The following ORC3 variants were observed in gnomAD, a reference collection of about 807,000 sequenced individuals.
The protein encoded by ORC3 is origin recognition complex subunit 3.
ORC3 carries 78 observed loss-of-function variants against 100.7 expected under a neutral mutation model. The observed-to-expected ratio is 0.77, with a 90% CI of 0.65 to 0.94. The LOEUF (loss-of-function observed/expected upper bound fraction) is 0.94, where lower values mean the gene tolerates loss of function less well. Among genes scored for constraint, ORC3 ranks in the 40% least tolerant of loss-of-function variants. The pLI is 0.00. For synonymous variants in ORC3, 295 were observed against 289.3 expected (o/e 1.02, Z -0.20); for missense variants, 789 against 823.9 (o/e 0.96, Z 0.52).
intron 11 of ORC3, among the ~76,000 whole-genome samples, chr6:87,623,739 C>A (rs1779692445): frequency 6.6e-6 from 1 of 152,058 alleles, no homozygotes; most frequent in South Asian, 2.1e-4. Flanking sequence ...CAAAAATTAG[C>A]TGGGCGTGGT....
intron 13 of ORC3, among the ~76,000 whole-genome samples, chr6:87,636,876 T>C (rs1056105553): frequency 3.3e-5 from 5 of 152,216 alleles, no homozygotes; most frequent in African/African-American, 1.2e-4. Context: ...AAGAGCATCA[T>C]TGGGTGATAT....
intron 1 of ORC3, among the ~76,000 whole-genome samples, chr6:87,593,627 A>T (rs1187607579): frequency 1.3e-5 from 2 of 152,262 alleles, no homozygotes; most frequent in Non-Finnish European, 2.9e-5. Flanking sequence ...AAGGTTATAG[A>T]TACTTCGAGT....
chr6:87,657,624 G>T (rs547551576), intron 15 of ORC3, among the ~76,000 whole-genome samples: 1 of 152,292 alleles, frequency 6.6e-6, no homozygotes, highest in Admixed American at 6.5e-5. Context: ...TTTCTTAAAT[G>T]ACTTAATGGA....
chr6:87,660,718 C>T (rs28381532), intron 16 of ORC3, among the ~76,000 whole-genome samples: 9 of 152,212 alleles, frequency 5.9e-5, no homozygotes, highest in Non-Finnish European at 1.2e-4. Flanking sequence ...ACTAATTCCT[C>T]CAGTTCCTTC....
At position 87,644,131 on chromosome 6, in the gene ORC3, C is replaced by G. The variant is rs1461774278; in HGVS notation, c.1382+7645C>G. On this transcript the variant is annotated intron_variant, in intron 13 of 19. Coordinates refer to ENST00000392844, the MANE Select transcript of ORC3 (RefSeq NM_012381.4). ...TTTTTGAGACGGAGTCTCGCTCTGT[C>G]GCCCAGGCTGGAGTGCAGTGGCGGG... Among the ~76,000 whole-genome samples the G allele has an allele frequency of 1.5e-4, 15 of 99,386 alleles. No homozygotes were observed. In the Admixed American group the frequency reaches 2.0e-3, roughly 13 times the overall value. 65.2% of individuals were successfully genotyped at this position (99,386 alleles called of 152,430 possible). A position where few individuals can be genotyped will look rare whatever the true frequency, so the allele number is the denominator to read the frequency against.
chr6:87,630,593 GATAA>G (rs1767332107), intron 11 of ORC3, among the ~76,000 whole-genome samples: 1 of 152,070 alleles, frequency 6.6e-6, no homozygotes, highest in African/African-American at 2.4e-5. Flanking sequence ...CAATAAATAA[GATAA>G]ATAAGTAAAA....
Position 87,664,777 on chromosome 6 carries a change from CG to C in ORC3, c.1869del (p.Asn624IlefsTer8). 6.2e-7 allele frequency: 1 copy of C among 1,614,020 alleles called. No individual in the cohort carries two copies. Among genetic ancestry groups the C allele is most frequent in the South Asian group, 1.1e-5 (1 of 91,072 alleles). On this transcript the variant is annotated frameshift_variant, in exon 18 of 20. Coordinates refer to ENST00000392844, the MANE Select transcript of ORC3 (RefSeq NM_012381.4). LOFTEE classifies it high-confidence loss of function. The stretch of plus-strand genomic sequence containing the variant: ...CTGAAAAGCGAAGAAGGCTGCATTC[CG>C]AATATCGCCCCAGACATCTGCATAG... ...EALKSEEGCIPNIAPDICIAY... is the reference protein window; with the variant it reads ...EALKSEEGCIXNIAPDICIAY...
intron 3 of ORC3, among the ~76,000 whole-genome samples, chr6:87,603,165 A>T (rs1372263751): frequency 6.6e-6 from 1 of 151,348 alleles, no homozygotes; most frequent in Non-Finnish European, 1.5e-5. Context: ...TTATCTAAAA[A>T]GATGAGGTCT....
At chr6:87,594,813 G>A (rs1777312366) in intron 2 of ORC3, among the ~76,000 whole-genome samples, 1 of 152,018 alleles carries the variant, frequency 6.6e-6, no homozygotes, top group Admixed American at 6.6e-5. Context: ...TCTAATGATG[G>A]GGGAAATGTT....
Position 87,644,079 on chromosome 6 carries a change from C to CTTTTTTTT in ORC3, c.1382+7617_1382+7624dup, listed in dbSNP as rs1156943778. Among the ~76,000 whole-genome samples the CTTTTTTTT allele has an allele frequency of 9.9e-4, 51 of 51,420 alleles. 6 individuals carry two copies. The highest frequency in any genetic ancestry group is 1.7e-3 in the South Asian group (2 of 1,166). 33.7% of individuals were successfully genotyped at this position (51,420 alleles called of 152,430 possible). ...CCACAGATACAGATGGCTGACTGTC[C>CTTTTTTTT]TTTTTTTTTTTTTTTTTTTTTTTTT... On this transcript the variant is annotated intron_variant, in intron 13 of 19. Coordinates refer to ENST00000392844, the MANE Select transcript of ORC3 (RefSeq NM_012381.4).
rs80031213 is a variant in ORC3 at position 87,661,462 on chromosome 6, G to C, written c.1692-1541G>C. Among the ~76,000 whole-genome samples, 387 of 152,298 alleles carry C rather than the reference G, an allele frequency of 2.5e-3. 2 individuals are homozygous for C. The highest frequency in any genetic ancestry group is 8.8e-3 in the African/African-American group (366 of 41,572). On this transcript the variant is annotated intron_variant, in intron 16 of 19. Transcript: ENST00000392844. ...AATGAGCAAGGGGTCATTAGCTCTT[G>C]AGATGGGGGAGAAAAGGAGGATGGT...
chr6:87,654,273 G>A (rs1023675873), intron 14 of ORC3, among the ~76,000 whole-genome samples: 3 of 152,196 alleles, frequency 2.0e-5, no homozygotes, highest in African/African-American at 7.2e-5. Context: ...CACCTGATGA[G>A]TGCTCAGTCA....
At position 87,620,787 on chromosome 6, in the gene ORC3, C is replaced by T. The variant is rs188203067; in HGVS notation, c.988-567C>T. On this transcript the variant is annotated intron_variant, in intron 9 of 19. Coordinates refer to ENST00000392844, the MANE Select transcript of ORC3 (RefSeq NM_012381.4). ...ATGTTAGAATCTGGAAAATTGTCTT[C>T]CCTTCTACCATAGAGCCCACAGCAT... Among the ~76,000 whole-genome samples, 23 of 152,256 alleles carry T rather than the reference C, an allele frequency of 1.5e-4. 1 individual carries two copies. The East Asian group carries it at 3.5e-3, about 23-fold the overall frequency.
intron 16 of ORC3, 57 bp downstream of exon 16, chr6:87,658,075 C>T (rs1769862260): frequency 1.1e-6 from 1 of 911,698 alleles, no homozygotes; most frequent in Admixed American, 1.8e-5. Flanking sequence ...CCAAATAACA[C>T]TGGTGTCATA....
intron 2 of ORC3, among the ~76,000 whole-genome samples, chr6:87,599,245 T>C (rs957763719): frequency 6.6e-6 from 1 of 152,198 alleles, no homozygotes; most frequent in Non-Finnish European, 1.5e-5. Context: ...AAAAATTGTG[T>C]CTTGATTTGC....
Position 87,662,992 on chromosome 6 carries a change from G to A in ORC3, c.1692-11G>A. 1.3e-6 allele frequency: 2 copies of A among 1,586,572 alleles called. No individual in the cohort carries two copies. The highest frequency in any genetic ancestry group is 1.7e-6 in the Non-Finnish European group (2 of 1,162,394). ...CTTATCTAAACATGGATGCCTGACT[G>A]GCTGTTTCAGAGAATACCTTCTGCC... On this transcript the variant is annotated splice_polypyrimidine_tract_variant and intron_variant, in intron 16 of 19. Coordinates refer to ENST00000392844, the MANE Select transcript of ORC3 (RefSeq NM_012381.4).
At chr6:87,668,691 A>G (rs1434408105), downstream of ORC3, among the ~76,000 whole-genome samples, 1 of 152,130 alleles carries the variant, frequency 6.6e-6, no homozygotes, top group Non-Finnish European at 1.5e-5. Flanking sequence ...GCACATAAAA[A>G]TGCTAGATGA....
In ORC3 at chr6:87,602,954, A is replaced by AAT. The variant is rs397935596; in HGVS notation, c.178-414_178-413dup. ...CGTTTATATATATATACACATATAT[A>AAT]ATATATATATATATATACATATATA... On this transcript the variant is annotated intron_variant, in intron 3 of 19. Transcript: ENST00000392844. Among the ~76,000 whole-genome samples, 357 of 95,226 alleles carry AAT rather than the reference A, an allele frequency of 3.7e-3. 16 individuals are homozygous for AAT. Among genetic ancestry groups the AAT allele is most frequent in the East Asian group, 0.01 (34 of 3,360 alleles). The allele number at this position is 95,226 out of a possible 152,430, so 62.5% of individuals were successfully genotyped here.
At position 87,613,193 on chromosome 6, in the gene ORC3, T is replaced by C. The variant is rs186520788; in HGVS notation, c.873+945T>C. On this transcript the variant is annotated intron_variant, in intron 8 of 19. Coordinates refer to ENST00000392844, the MANE Select transcript of ORC3 (RefSeq NM_012381.4). ...CTTGGCTGGGGAGGCCTCACAATCA[T>C]GGTGGAAGGCAAGGAGGAGCAAGTC... Among the ~76,000 whole-genome samples, 15 of 152,240 alleles carry C rather than the reference T, an allele frequency of 9.9e-5. No individual in the cohort carries two copies. The East Asian group carries it at 2.9e-3, about 29-fold the overall frequency.
Sources: allele counts gnomAD v4.1 joint callset (sites outside exome capture counted in the v4.1 genomes callset), GRCh38; gene constraint gnomAD v4.1.1; transcripts MANE v1.5; gene names NCBI Gene and HGNC (gene_info 2026-07-23, HGNC 2026-07-21).